Variants in CACNA2D3 observed in about 807,000 individuals in gnomAD.
CACNA2D3 encodes calcium voltage-gated channel auxiliary subunit alpha2delta 3, also known as voltage-dependent calcium channel subunit alpha-2/delta-3.
In CACNA2D3, 60 loss-of-function variants were observed where a neutral mutation model predicts 160.6. The observed-to-expected ratio is 0.37, with a 90% CI of 0.30 to 0.46. The LOEUF (loss-of-function observed/expected upper bound fraction) is 0.46, where lower values mean the gene tolerates loss of function less well. CACNA2D3 is among the 20% of genes least tolerant of loss of function. The pLI is 1.00. For missense variants in CACNA2D3, 1,205 were observed against 1,365.0 expected (o/e 0.88, Z 1.85); for synonymous variants, 558 against 492.9 (o/e 1.13, Z -1.75).
intron 9 of CACNA2D3, 25 bp downstream of exon 9, chr3:54,581,902 C>A (rs1702684101): frequency 1.3e-6 from 2 of 1,593,734 alleles, no homozygotes; most frequent in Non-Finnish European, 1.7e-6. Flanking sequence ...GGGGAGCATT[C>A]CAGTCATGGT....
intron 32 of CACNA2D3, among the ~76,000 whole-genome samples, chr3:55,005,763 C>T (rs1703080806): frequency 6.6e-6 from 1 of 152,028 alleles, no homozygotes; most frequent in South Asian, 2.1e-4. Context: ...TACCTAAAAA[C>T]ACAGAAAAAA....
At chr3:54,943,879 T>C (rs1015859855) in intron 27 of CACNA2D3, among the ~76,000 whole-genome samples, 8 of 152,180 alleles carry the variant, frequency 5.3e-5, no homozygotes, top group African/African-American at 1.9e-4. Flanking sequence ...TGCCTTCTTT[T>C]TTTGACTTAA....
chr3:54,498,911 A>G (rs1701245142), intron 4 of CACNA2D3, among the ~76,000 whole-genome samples: 1 of 152,136 alleles, frequency 6.6e-6, no homozygotes, highest in Non-Finnish European at 1.5e-5. Flanking sequence ...ATTAAAATCT[A>G]GATATCAATG....
rs202192526 is a variant in CACNA2D3, at chr3:54,771,786, ACT to A, written c.1380+7437_1380+7438del. ...TACCAGGGATATCCCATCAGCTTAC[ACT>A]CAAGGAGAGGGAATTTGATGGGGTG... On this transcript the variant is annotated intron_variant, in intron 13 of 37. Coordinates refer to ENST00000474759, the MANE Select transcript of CACNA2D3 (RefSeq NM_018398.3). 8.2e-3 allele frequency among the ~76,000 whole-genome samples: 1,252 copies of A among 152,154 alleles called. 15 individuals carry two copies. Among genetic ancestry groups the A allele is most frequent in the African/African-American group, 0.028 (1,164 of 41,500 alleles).
At chr3:54,610,204 C>T (rs1698722022) in intron 9 of CACNA2D3, among the ~76,000 whole-genome samples, 1 of 152,154 alleles carries the variant, frequency 6.6e-6, no homozygotes, top group Non-Finnish European at 1.5e-5. Flanking sequence ...ATGGCCCTAT[C>T]CTAAATAAGA....
intron 13 of CACNA2D3, among the ~76,000 whole-genome samples, chr3:54,803,051 C>A (rs1016578214): frequency 2.0e-5 from 3 of 152,166 alleles, no homozygotes; most frequent in Non-Finnish European, 2.9e-5. Flanking sequence ...ACACCAAAAA[C>A]CCATCTGTAC....
intron 12 of CACNA2D3, among the ~76,000 whole-genome samples, chr3:54,757,385 C>A (rs1311652091): frequency 6.6e-6 from 1 of 152,126 alleles, no homozygotes; most frequent in Non-Finnish European, 1.5e-5. Context: ...CTGGAAGGTC[C>A]AGCTCCTAAT....
At chr3:54,870,259 C>T (rs1699494803) in intron 17 of CACNA2D3, among the ~76,000 whole-genome samples, 1 of 152,124 alleles carries the variant, frequency 6.6e-6, no homozygotes, top group Non-Finnish European at 1.5e-5. Context: ...GCAGTTTTCT[C>T]CTTCATGCCC....
chr3:54,838,618 A>C lies in CACNA2D3; in HGVS notation c.1521A>C (p.Lys507Asn). The change falls in exon 16 of 38, where the codon AAA becomes AAC. Residue 507 changes from lysine (K) to asparagine (N), a missense_variant. Lys to Asn is a moderately conservative substitution (Grantham distance 94). Around this residue, in one of 3 missense-constraint regions of CACNA2D3, gnomAD observed 911 missense variants for 1,002.2 expected, o/e 0.91. Transcript: ENST00000474759. ...LGVVGTDVPV[K>N]ELLKTIPKYK... ...TGGTTGGCACAGATGTCCCAGTGAA[A>C]GAACTTCTGAAGACCATCCCCAAAT... 6.2e-7 allele frequency: 1 copy of C among 1,613,532 alleles called. No individual in the cohort carries two copies. Among genetic ancestry groups the C allele is most frequent in the Non-Finnish European group, 8.5e-7 (1 of 1,179,462 alleles).
At chr3:54,923,429 A>T (rs1026474545) in intron 27 of CACNA2D3, among the ~76,000 whole-genome samples, 1 of 152,050 alleles carries the variant, frequency 6.6e-6, no homozygotes, top group African/African-American at 2.4e-5. Flanking sequence ...CTGCTCAGCC[A>T]TGTCACCTCC....
chr3:54,626,769 C>G (rs1049770588), intron 9 of CACNA2D3: 6 of 628,872 alleles, frequency 9.5e-6, no homozygotes, highest in South Asian at 2.0e-5. Flanking sequence ...GGCCGTGGTG[C>G]CACCATGGGT....
intron 4 of CACNA2D3, among the ~76,000 whole-genome samples, chr3:54,469,492 G>A (rs1170637098): frequency 6.6e-6 from 1 of 152,076 alleles, no homozygotes; most frequent in Non-Finnish European, 1.5e-5. Flanking sequence ...CAAAAAGGCT[G>A]AAAATTCCAA....
intron 11 of CACNA2D3, among the ~76,000 whole-genome samples, chr3:54,751,757 A>C (rs536687179): frequency 1.3e-5 from 2 of 152,338 alleles, no homozygotes; most frequent in East Asian, 3.9e-4. Flanking sequence ...CCATGTCTTC[A>C]CTGACCTCAG....
chr3:54,767,995 TGAG>T (rs540068995), intron 13 of CACNA2D3, among the ~76,000 whole-genome samples: 89 of 151,974 alleles, frequency 5.9e-4, no homozygotes, highest in Non-Finnish European at 1.2e-3. Flanking sequence ...GACTGGCAAA[TGAG>T]GAGGGAGTGA....
intron 35 of CACNA2D3, among the ~76,000 whole-genome samples, chr3:55,049,752 G>C (rs926220412): frequency 2.1e-4 from 31 of 149,422 alleles, no homozygotes; most frequent in Non-Finnish European, 3.9e-4. Context: ...CTCTTTGTAG[G>C]TCACTGAGGA....
intron 37 of CACNA2D3, 101 bp downstream of exon 37, chr3:55,073,960 A>G: frequency 2.6e-6 from 3 of 1,148,216 alleles, no homozygotes; most frequent in Non-Finnish European, 3.9e-6. Flanking sequence ...CTCATGAGAA[A>G]ATAATCCCTT....
intron 5 of CACNA2D3, among the ~76,000 whole-genome samples, chr3:54,545,604 T>G (rs1702048717): frequency 6.6e-6 from 1 of 152,198 alleles, no homozygotes; most frequent in Non-Finnish European, 1.5e-5. Context: ...ACTGATACAG[T>G]TCCTTTTATC....
At position 54,415,147 on chromosome 3, in the gene CACNA2D3, T is replaced by TA. The variant is rs753118051; in HGVS notation, c.381+28374dup. Among the ~76,000 whole-genome samples the TA allele has an allele frequency of 3.9e-5, 6 of 152,218 alleles. No homozygotes were observed. In the East Asian group the frequency reaches 1.2e-3, roughly 29 times the overall value. Reference sequence around the variant, plus strand: ...TCCCACAGTACATTTCCATAAAACTTAGTGTTTCTTTCATTAAGATGGCTG... The same window carrying TA: ...TCCCACAGTACATTTCCATAAAACTTAAGTGTTTCTTTCATTAAGATGGCTG... On this transcript the variant is annotated intron_variant, in intron 4 of 37. Coordinates refer to ENST00000474759, the MANE Select transcript of CACNA2D3 (RefSeq NM_018398.3).
At chr3:54,166,633 A>G (rs1700463049) in intron 2 of CACNA2D3, among the ~76,000 whole-genome samples, 1 of 152,142 alleles carries the variant, frequency 6.6e-6, no homozygotes, top group African/African-American at 2.4e-5. Context: ...TTTAATCACA[A>G]TCATCTTAGT....
Sources: gnomAD v4.1 joint callset for allele counts (sites outside exome capture counted in the v4.1 genomes callset) on GRCh38, gnomAD v4.1.1 for gene constraint, gnomAD v4.1.1 regional missense constraint, MANE v1.5 for transcripts, NCBI Gene and HGNC (gene_info 2026-07-23, HGNC 2026-07-21) for gene names.